The following AADACL4 variants were observed in gnomAD, a reference collection of about 807,000 sequenced individuals.
AADACL4 encodes arylacetamide deacetylase like 4.
AADACL4 carries 9 observed loss-of-function variants against 14.1 expected under a neutral mutation model. The ratio of observed to expected loss-of-function variants is 0.64; its 90% CI spans 0.39 to 1.12. The LOEUF is 1.12. Ranked by LOEUF, AADACL4 falls within the 50% of genes most tolerant of loss-of-function variation. The pLI, the probability that AADACL4 is intolerant of heterozygous loss-of-function variation, is 0.01. For missense variants in AADACL4, 531 were observed against 516.1 expected (o/e 1.03, Z -0.28); for synonymous variants, 188 against 201.6 (o/e 0.93, Z 0.57).
At chr1:12,661,569 T>C (rs1468238336) in intron 2 of AADACL4, among the ~76,000 whole-genome samples, 4 of 152,138 alleles carry the variant, frequency 2.6e-5, no homozygotes, top group Non-Finnish European at 5.9e-5. Context: ...TTGCAGAAAG[T>C]GAGCCCCAAG....
chr1:12,654,972 T>C (rs1210297960), intron 2 of AADACL4, among the ~76,000 whole-genome samples: 1 of 152,144 alleles, frequency 6.6e-6, no homozygotes, highest in Non-Finnish European at 1.5e-5. Flanking sequence ...CCACTGACTC[T>C]TTACAGCACC....
At chr1:12,665,274 G>A (rs1570435545) in intron 3 of AADACL4, among the ~76,000 whole-genome samples, 1 of 152,292 alleles carries the variant, frequency 6.6e-6, no homozygotes, top group East Asian at 1.9e-4. Context: ...CCAGGCTGGA[G>A]TGCAGTGGCT....
intron 2 of AADACL4, among the ~76,000 whole-genome samples, chr1:12,651,922 G>A (rs571500173): frequency 2.0e-5 from 3 of 150,148 alleles, no homozygotes; most frequent in South Asian, 2.1e-4. Flanking sequence ...TGCGCCTCTC[G>A]GGTTCACGCC....
At chr1:12,664,644 G>C (rs913125632) in intron 3 of AADACL4, among the ~76,000 whole-genome samples, 2 of 152,198 alleles carry the variant, frequency 1.3e-5, no homozygotes, top group Non-Finnish European at 2.9e-5. Context: ...ACAGGCGTAA[G>C]CCACCGCCCG....
In AADACL4 at chr1:12,666,577, T is replaced by C. The variant is rs1307132509; in HGVS notation, c.1066T>C (p.Tyr356His). The change falls in exon 4 of 4, where the codon TAT becomes CAT. Residue 356 changes from tyrosine (Y) to histidine (H), a missense_variant. By Grantham distance (83) the Tyr-to-His change is moderately conservative. Transcript: ENST00000376221. The part of the protein sequence containing the change: ...NDILRDDSLL[Y>H]KKRLEDQGVR... The stretch of plus-strand genomic sequence containing the variant: ...CATACTCCGTGATGACAGCTTGCTC[T>C]ATAAGAAGCGCTTGGAGGACCAGGG... 1 of 1,614,136 alleles carries C rather than the reference T, an allele frequency of 6.2e-7. No individual in the cohort carries two copies. Among genetic ancestry groups the C allele is most frequent in the African/African-American group, 1.3e-5 (1 of 74,944 alleles).
intron 3 of AADACL4, among the ~76,000 whole-genome samples, chr1:12,664,947 C>T (rs528902118): frequency 1.1e-4 from 17 of 152,032 alleles, no homozygotes; most frequent in South Asian, 6.2e-4. Context: ...TGAAGACCAA[C>T]GCCCTAGTGT....
intron 1 of AADACL4, among the ~76,000 whole-genome samples, chr1:12,646,083 T>C (rs533298267): frequency 4.4e-4 from 67 of 152,308 alleles, no homozygotes; most frequent in Admixed American, 2.7e-3. Flanking sequence ...GCAGGCAACC[T>C]GAGTTAACCC....
rs1647096949 is a variant in AADACL4 at position 12,644,488 on chromosome 1, C to T, written c.-59C>T. On this transcript the variant is annotated 5_prime_UTR_variant, in exon 1 of 4. Coordinates refer to ENST00000376221, the MANE Select transcript of AADACL4 (RefSeq NM_001013630.2). ...GGAGGGTGTAACCCAGCCAGGTCCT[C>T]TTCACATAAGCTATCAGACAAGCTC... 6.3e-7 allele frequency: 1 copy of T among 1,584,284 alleles called. No individual in the cohort carries two copies.
intron 2 of AADACL4, among the ~76,000 whole-genome samples, chr1:12,657,875 C>G (rs1041053685): frequency 1.3e-5 from 2 of 152,158 alleles, no homozygotes; most frequent in Non-Finnish European, 2.9e-5. Context: ...TCTTAGCCAG[C>G]TTGGCCAACA....
chr1:12,646,579 C>T (rs1647112741), intron 1 of AADACL4, among the ~76,000 whole-genome samples: 1 of 152,202 alleles, frequency 6.6e-6, no homozygotes, highest in Non-Finnish European at 1.5e-5. Flanking sequence ...GGCTGCAATC[C>T]ACATGGAGTT....
At chr1:12,661,921 ATT>A (rs1647235266) in intron 3 of AADACL4, 67 bp downstream of exon 3, 1 of 1,532,348 alleles carries the variant, frequency 6.5e-7, no homozygotes, top group African/African-American at 1.4e-5. Context: ...TTCATGGGTG[ATT>A]TGTAGATCAG....
chr1:12,651,552 A>C (rs1647148556), intron 2 of AADACL4, among the ~76,000 whole-genome samples: 1 of 152,006 alleles, frequency 6.6e-6, no homozygotes, highest in African/African-American at 2.4e-5. Context: ...CTTTAATATG[A>C]TGGTCTCAGT....
rs1647195731 is a variant in AADACL4 at position 12,658,121 on chromosome 1, TTC to T, written c.386-3669_386-3668del. On this transcript the variant is annotated intron_variant, in intron 2 of 3. Transcript: ENST00000376221. ...TTTCTCTCTTTCTTTCCTTCCTTCC[TTC>T]CTTCCTTCCTTCCTTCCTTTCTTTC... Among the ~76,000 whole-genome samples, 25 of 128,948 alleles carry T rather than the reference TTC, an allele frequency of 1.9e-4. 1 individual carries two copies. Among genetic ancestry groups the T allele is most frequent in the African/African-American group, 9.3e-4 (24 of 25,802 alleles). The allele number at this position is 128,948 out of a possible 152,430, so 84.6% of individuals were successfully genotyped here.
chr1:12,665,928 C>T (rs538680920), intron 3 of AADACL4, 33 bp from the exon 4 acceptor site: 9 of 1,568,598 alleles, frequency 5.7e-6, no homozygotes, highest in Non-Finnish European at 7.8e-6. Context: ...ACTGTCCACA[C>T]TGGTGTAGTG....
At chr1:12,648,388 C>A (rs113002748) in intron 1 of AADACL4, among the ~76,000 whole-genome samples, 2 of 146,752 alleles carry the variant, frequency 1.4e-5, no homozygotes, top group East Asian at 4.0e-4. Context: ...TTCCTTCCTT[C>A]CTTTCTTTCC....
chr1:12,656,352 G>C (rs1647179021), intron 2 of AADACL4, among the ~76,000 whole-genome samples: 1 of 152,204 alleles, frequency 6.6e-6, no homozygotes, highest in African/African-American at 2.4e-5. Flanking sequence ...GGCATCTCTG[G>C]AGTCTCAGTG....
intron 2 of AADACL4, among the ~76,000 whole-genome samples, chr1:12,653,792 T>TACTTC (rs1647164369): frequency 6.6e-6 from 1 of 152,230 alleles, no homozygotes; most frequent in South Asian, 2.1e-4. Flanking sequence ...TATTTTACTT[T>TACTTC]ACTTCAGGTT....
intron 3 of AADACL4, among the ~76,000 whole-genome samples, chr1:12,662,116 C>A (rs1326943907): frequency 6.6e-6 from 1 of 152,188 alleles, no homozygotes; most frequent in Non-Finnish European, 1.5e-5. Context: ...GATTTTTCCA[C>A]AGCCATTTAA....
chr1:12,659,950 C>A (rs1390375820), intron 2 of AADACL4, among the ~76,000 whole-genome samples: 1 of 152,240 alleles, frequency 6.6e-6, no homozygotes, highest in East Asian at 1.9e-4. Context: ...TCCTGAGTAG[C>A]TGGGACCACA....
Sources: gnomAD v4.1 joint callset for allele counts (sites outside exome capture counted in the v4.1 genomes callset) on GRCh38, gnomAD v4.1.1 for gene constraint, MANE v1.5 for transcripts, NCBI Gene and HGNC (gene_info 2026-07-23, HGNC 2026-07-21) for gene names.